The following SLC6A6 variants were observed in gnomAD, a reference collection of about 807,000 sequenced individuals.
SLC6A6 encodes solute carrier family 6 member 6, also known as sodium- and chloride-dependent taurine transporter.
SLC6A6 carries 16 observed loss-of-function variants against 68.8 expected under a neutral mutation model. The observed-to-expected ratio is 0.23, with a 90% confidence interval of 0.16 to 0.35. The LOEUF (loss-of-function observed/expected upper bound fraction) is 0.35. Among genes scored for constraint, SLC6A6 ranks in the 10% least tolerant of loss-of-function variants. SLC6A6 has a pLI of 1.00. For synonymous variants in SLC6A6, 312 were observed against 315.4 expected, an observed-to-expected ratio of 0.99 and a Z score of 0.12; for missense variants, 474 against 802.8, an observed-to-expected ratio of 0.59 and a Z score of 4.95.
chr3:14,433,615 A>G (rs990784665), intron 2 of SLC6A6, among the ~76,000 whole-genome samples: 4 of 152,084 alleles, frequency 2.6e-5, no homozygotes, highest in African/African-American at 9.7e-5. Flanking sequence ...TAGCCTGGCC[A>G]ACATGGTGAA....
intron 2 of SLC6A6, among the ~76,000 whole-genome samples, chr3:14,435,513 C>T (rs1309025838): frequency 1.3e-5 from 2 of 152,322 alleles, no homozygotes; most frequent in East Asian, 1.9e-4. Flanking sequence ...ACTTTCACTA[C>T]GACCAGAATA....
At chr3:14,442,432 C>T (rs927217731) in intron 2 of SLC6A6, among the ~76,000 whole-genome samples, 3 of 152,214 alleles carry the variant, frequency 2.0e-5, no homozygotes, top group Non-Finnish European at 4.4e-5. Context: ...CTGTGTCCCT[C>T]TGTTATGTTG....
intron 6 of SLC6A6, among the ~76,000 whole-genome samples, chr3:14,463,073 G>GT (rs963088472): frequency 2.6e-5 from 4 of 152,222 alleles, no homozygotes; most frequent in Non-Finnish European, 5.9e-5. Context: ...TGCATAGTGA[G>GT]TTTGGGGTCC....
chr3:14,454,533 A>G (rs1252534138), intron 5 of SLC6A6, among the ~76,000 whole-genome samples: 2 of 152,096 alleles, frequency 1.3e-5, no homozygotes, highest in African/African-American at 4.8e-5. Flanking sequence ...TTCAGCCTGC[A>G]TGGCTGCCCG....
In SLC6A6 at chr3:14,447,746, C is replaced by G; in HGVS notation, c.529C>G (p.Arg177Gly). ...NTPHCMEDTM[R>G]KNKSVWITIS... The stretch of plus-strand genomic sequence containing the variant: ...ACCTCACTGCATGGAGGACACCATG[C>G]GCAAGAACAAGAGTGTCTGGATCAC... The change falls in exon 5 of 15, where the codon CGC becomes GGC. Residue 177 changes from arginine to glycine, a missense_variant. Around this residue, in one of 2 missense-constraint regions of SLC6A6, gnomAD observed 280 missense variants for 533.1 expected, o/e 0.53. Coordinates refer to ENST00000622186, the MANE Select transcript of SLC6A6 (RefSeq NM_003043.6). The G allele has an allele frequency of 6.2e-7, 1 of 1,614,214 alleles. No individual in the cohort carries two copies. Among genetic ancestry groups the G allele is most frequent in the African/African-American group, 1.3e-5 (1 of 75,064 alleles).
At position 14,486,520 on chromosome 3, in the gene SLC6A6, T is replaced by C. The variant is rs2341985; in HGVS notation, c.*1513T>C. 30,948 of 152,528 alleles carry C rather than the reference T, an allele frequency of 0.2. 3,264 individuals carry two copies. Among genetic ancestry groups the C allele is most frequent in the East Asian group, 0.27 (1,389 of 5,152 alleles). 9.4% of individuals were successfully genotyped at this position (152,528 alleles called of 1,614,324 possible). A position where few individuals can be genotyped will look rare whatever the true frequency, so the allele number is the denominator to read the frequency against. ...CTCAGAACTGGCTTGATCAAGGGCC[T>C]TATGTGGAGCAGAGGTTGTCTCTGA... On this transcript the variant is annotated 3_prime_UTR_variant, in exon 15 of 15. Transcript: ENST00000622186.
At chr3:14,428,151 C>A (rs889813774) in intron 2 of SLC6A6, among the ~76,000 whole-genome samples, 1 of 152,210 alleles carries the variant, frequency 6.6e-6, no homozygotes, top group African/African-American at 2.4e-5. Flanking sequence ...CAGTCACATG[C>A]ACTGCAGAAG....
chr3:14,405,338 A>C (rs1699083271), intron 1 of SLC6A6, among the ~76,000 whole-genome samples: 1 of 152,192 alleles, frequency 6.6e-6, no homozygotes, highest in Non-Finnish European at 1.5e-5. Context: ...TCTGTTTTCT[A>C]ACCTGAACTT....
At position 14,409,587 on chromosome 3, in the gene SLC6A6, C is replaced by T. The variant is rs1699193184; in HGVS notation, c.-54+6740C>T. On this transcript the variant is annotated intron_variant, in intron 1 of 14. Coordinates refer to ENST00000622186, the MANE Select transcript of SLC6A6 (RefSeq NM_003043.6). The stretch of plus-strand genomic sequence containing the variant: ...AACGTTCATGAGTGCCTACTGTGTG[C>T]CAGGCACAGGGCCAGGGCCAAGAGG... Among the ~76,000 whole-genome samples the T allele has an allele frequency of 2.0e-5, 3 of 152,250 alleles. 1 individual carries two copies. The South Asian group carries it at 6.2e-4, about 31-fold the overall frequency.
Position 14,481,830 on chromosome 3 carries a change from C to A in SLC6A6, c.1711C>A (p.Pro571Thr). 1 of 1,613,752 alleles carries A rather than the reference C, an allele frequency of 6.2e-7. No homozygotes were observed. Among genetic ancestry groups the A allele is most frequent in the Non-Finnish European group, 8.5e-7 (1 of 1,179,788 alleles). ...CATCCGCCTCTGCCAGACTGAGGGGCCGTTCCTTGTGGTAAGTGCTTGGGC... is the reference window on the plus strand; with the variant it reads ...CATCCGCCTCTGCCAGACTGAGGGGACGTTCCTTGTGGTAAGTGCTTGGGC... ...IVIRLCQTEGPFLVRVKYLLT... is the reference protein window; with the variant it reads ...IVIRLCQTEGTFLVRVKYLLT... Residue 571 changes from proline to threonine, a missense_variant, in exon 14 of 15, where the codon CCG (proline) becomes ACG (threonine). Pro to Thr is a conservative substitution (Grantham distance 38, BLOSUM62 -1). This residue lies in a region of SLC6A6 where 194 missense variants were observed against 269.8 expected (regional missense o/e 0.72). Transcript: ENST00000622186. The surrounding 1 kb of genome is among the most constrained non-coding windows in gnomAD (Gnocchi z 4.7).
At chr3:14,467,281 GTTGGCCAGCC>G (rs1195889492) in intron 7 of SLC6A6, among the ~76,000 whole-genome samples, 6 of 152,190 alleles carry the variant, frequency 3.9e-5, no homozygotes, top group Non-Finnish European at 8.8e-5. Flanking sequence ...TGTGAGAGGG[GTTGGCCAGCC>G]TTGGAGGACA....
At chr3:14,457,089 A>G (rs184928852) in intron 5 of SLC6A6, among the ~76,000 whole-genome samples, 1 of 152,284 alleles carries the variant, frequency 6.6e-6, no homozygotes, top group East Asian at 1.9e-4. Context: ...ATCCATAAGA[A>G]TGTCTGGGAG....
At chr3:14,418,690 A>T (rs1419305667) in intron 2 of SLC6A6, among the ~76,000 whole-genome samples, 2 of 152,204 alleles carry the variant, frequency 1.3e-5, no homozygotes, top group African/African-American at 4.8e-5. Flanking sequence ...TTGAAAAAAT[A>T]TGAGAAATTC....
rs763732632 is a variant in SLC6A6, at chr3:14,420,489, C to CTTTTT, written c.-12+4051_-12+4055dup. Among the ~76,000 whole-genome samples, 28 of 128,094 alleles carry CTTTTT rather than the reference C, an allele frequency of 2.2e-4. 1 individual carries two copies. The highest frequency in any genetic ancestry group is 7.2e-4 in the African/African-American group (23 of 32,028). 84.0% of individuals were successfully genotyped at this position (128,094 alleles called of 152,430 possible). A position where few individuals can be genotyped will look rare whatever the true frequency, so the allele number is the denominator to read the frequency against. ...ACAGTTTCTCTTGTAAACCACTCTG[C>CTTTTT]TTTTTTTTTTTTTTTTTTTGAGACA... On this transcript the variant is annotated intron_variant, in intron 2 of 14. Coordinates refer to ENST00000622186, the MANE Select transcript of SLC6A6 (RefSeq NM_003043.6).
rs139764445 is a variant in SLC6A6 at position 14,449,631 on chromosome 3, C to G, written c.599+1815C>G. ...AGGCGGAAGTATCCCGCTCTCTGGG[C>G]CGTGGTATCCTCACCTGCACCTGGG... On this transcript the variant is annotated intron_variant, in intron 5 of 14. Coordinates refer to ENST00000622186, the MANE Select transcript of SLC6A6 (RefSeq NM_003043.6). Among the ~76,000 whole-genome samples the G allele has an allele frequency of 6.7e-3, 1,023 of 152,318 alleles. 8 individuals are homozygous for G. The highest frequency in any genetic ancestry group is 0.024 in the African/African-American group (981 of 41,560).
intron 9 of SLC6A6, among the ~76,000 whole-genome samples, chr3:14,471,130 CT>C (rs754511089): frequency 2.2e-4 from 18 of 83,120 alleles, no homozygotes; most frequent in Admixed American, 1.0e-3. Flanking sequence ...TGCTTCTTGA[CT>C]TTTTTTTTTT....
intron 1 of SLC6A6, among the ~76,000 whole-genome samples, chr3:14,409,432 T>A (rs373055569): frequency 6.6e-6 from 1 of 152,232 alleles, no homozygotes; most frequent in Non-Finnish European, 1.5e-5. Context: ...CCCCTTCCTG[T>A]CTCAGAGATG....
At position 14,449,836 on chromosome 3, in the gene SLC6A6, C is replaced by T. The variant is rs61305580; in HGVS notation, c.599+2020C>T. ...GCGTGATCTCGGCTCACTGCAACCT[C>T]CGACTCCCTGGTTCAAGCAATTCTC... On this transcript the variant is annotated intron_variant, in intron 5 of 14. Transcript: ENST00000622186. Among the ~76,000 whole-genome samples, 1,507 of 152,250 alleles carry T rather than the reference C, an allele frequency of 9.9e-3. 24 individuals carry two copies. The highest frequency in any genetic ancestry group is 0.034 in the African/African-American group (1,429 of 41,534).
Position 14,477,428 on chromosome 3 carries a change from G to C in SLC6A6, c.1347+86G>C. The C allele has an allele frequency of 7.4e-7, 1 of 1,345,448 alleles. No homozygotes were observed. Among genetic ancestry groups the C allele is most frequent in the African/African-American group, 1.4e-5 (1 of 70,052 alleles). 83.3% of individuals were successfully genotyped at this position (1,345,448 alleles called of 1,614,324 possible). Reference sequence around the variant, plus strand: ...AGTGGAGGCAGCAGCTGGGTGAGAGGGCCAGGTAGGGGCTTCATCTCCCAG... The same window carrying C: ...AGTGGAGGCAGCAGCTGGGTGAGAGCGCCAGGTAGGGGCTTCATCTCCCAG... On this transcript the variant is annotated intron_variant, in intron 11 of 14. Coordinates refer to ENST00000622186, the MANE Select transcript of SLC6A6 (RefSeq NM_003043.6). The surrounding 1 kb of genome is among the most constrained non-coding windows in gnomAD (Gnocchi z 4.2).
Sources: allele counts gnomAD v4.1 joint callset (sites outside exome capture counted in the v4.1 genomes callset), GRCh38; gene constraint gnomAD v4.1.1; regional missense constraint gnomAD v4.1.1; non-coding constraint Gnocchi (gnomAD v3.1); transcripts MANE v1.5; gene names NCBI Gene and HGNC (gene_info 2026-07-23, HGNC 2026-07-21).